The following AGBL4 variants were observed in gnomAD, a reference collection of about 807,000 sequenced individuals.
AGBL4 encodes the protein cytosolic carboxypeptidase 6.
In AGBL4, 58 loss-of-function variants were observed where a neutral mutation model predicts 66.4. The ratio of observed to expected loss-of-function variants is 0.87; its 90% CI spans 0.71 to 1.09. The LOEUF (loss-of-function observed/expected upper bound fraction) is 1.09. AGBL4 is among the 50% of genes least tolerant of loss of function. The pLI, the probability that AGBL4 is intolerant of heterozygous loss-of-function variation, is 0.00. For missense variants in AGBL4, 579 were observed against 631.0 expected (o/e 0.92, Z 0.88); for synonymous variants, 234 against 222.9 (o/e 1.05, Z -0.44).
chr1:48,728,125 C>A, intron 6 of AGBL4: 2 of 1,286,426 alleles, frequency 1.6e-6, no homozygotes, highest in Non-Finnish European at 2.1e-6. Context: ...AGAAAATGTA[C>A]CTCCCAACAT....
intron 4 of AGBL4, among the ~76,000 whole-genome samples, chr1:49,163,650 G>A (rs991252182): frequency 3.9e-5 from 6 of 152,052 alleles, no homozygotes; most frequent in Admixed American, 1.3e-4. Flanking sequence ...ATGTATGAAC[G>A]AATTAATAAA....
intron 6 of AGBL4, among the ~76,000 whole-genome samples, chr1:48,735,635 C>A (rs72904830): frequency 0.033 from 5,068 of 152,130 alleles, 148 homozygotes; most frequent in Middle Eastern, 0.075. Flanking sequence ...GTCTCTTTGC[C>A]TGCCCTCCAA....
intron 11 of AGBL4, among the ~76,000 whole-genome samples, chr1:48,551,440 T>C (rs146672069): frequency 6.6e-6 from 1 of 152,314 alleles, no homozygotes; most frequent in African/African-American, 2.4e-5. Context: ...TTATCATTAC[T>C]ACATATGAAA....
chr1:48,750,910 G>A (rs549973684), intron 6 of AGBL4, among the ~76,000 whole-genome samples: 1 of 152,158 alleles, frequency 6.6e-6, no homozygotes. Context: ...CCCACACTCA[G>A]AGTACCCCCT....
At chr1:49,924,629 C>T (rs1219307246) in intron 1 of AGBL4, among the ~76,000 whole-genome samples, 2 of 151,998 alleles carry the variant, frequency 1.3e-5, no homozygotes, top group African/African-American at 4.8e-5. Flanking sequence ...ATAGTGCTTG[C>T]TATATGCCAG....
chr1:49,995,225 T>C (rs1197482645), intron 1 of AGBL4: 2 of 456,046 alleles, frequency 4.4e-6, no homozygotes, highest in Non-Finnish European at 8.8e-6. Flanking sequence ...AGCTGCTTGC[T>C]TTCTCAGTGG....
chr1:48,880,212 T>C (rs1649647359), intron 5 of AGBL4, among the ~76,000 whole-genome samples: 1 of 152,146 alleles, frequency 6.6e-6, no homozygotes, highest in African/African-American at 2.4e-5. Context: ...TGAGAACATG[T>C]GATGTTTGGT....
At chr1:48,852,108 T>G (rs887280962) in intron 6 of AGBL4, among the ~76,000 whole-genome samples, 1 of 150,670 alleles carries the variant, frequency 6.6e-6, no homozygotes, top group Non-Finnish European at 1.5e-5. Flanking sequence ...AGTGCTATTT[T>G]AGGGATGAAA....
chr1:48,985,117 A>G (rs1318714965), intron 5 of AGBL4, among the ~76,000 whole-genome samples: 1 of 152,168 alleles, frequency 6.6e-6, no homozygotes, highest in Non-Finnish European at 1.5e-5. Flanking sequence ...GGTTTACAAG[A>G]CATTGGACAT....
intron 3 of AGBL4, among the ~76,000 whole-genome samples, chr1:49,268,461 C>T (rs1362340537): frequency 6.8e-6 from 1 of 147,546 alleles, no homozygotes; most frequent in Admixed American, 6.8e-5. Flanking sequence ...AATACAAGAT[C>T]TCACTCTATT....
chr1:49,001,307 C>T (rs1661376825), intron 5 of AGBL4, among the ~76,000 whole-genome samples: 3 of 152,158 alleles, frequency 2.0e-5, no homozygotes, highest in African/African-American at 4.8e-5. Flanking sequence ...CTTCAATTGA[C>T]AAGCAGTTAT....
chr1:49,045,929 A>G, intron 4 of AGBL4, 129 bp from the exon 5 acceptor site: 1 of 768,322 alleles, frequency 1.3e-6, no homozygotes, highest in Non-Finnish European at 2.1e-6. Context: ...GGCTGGGAGA[A>G]TGACAACACA....
intron 3 of AGBL4, among the ~76,000 whole-genome samples, chr1:49,420,972 C>G (rs546672171): frequency 5.3e-5 from 8 of 152,082 alleles, no homozygotes; most frequent in African/African-American, 9.7e-5. Context: ...AGGTACAGAG[C>G]AATGCTAGAA....
intron 5 of AGBL4, among the ~76,000 whole-genome samples, chr1:48,906,601 G>C (rs888639589): frequency 9.2e-5 from 14 of 152,186 alleles, no homozygotes; most frequent in Non-Finnish European, 1.6e-4. Context: ...AGCATATTCA[G>C]AGTTGGGGGC....
chr1:48,662,078 G>A (rs1167254770), intron 7 of AGBL4, among the ~76,000 whole-genome samples: 13 of 152,324 alleles, frequency 8.5e-5, no homozygotes, highest in South Asian at 6.2e-4. Flanking sequence ...GAAGGCAATC[G>A]TGCCTAACTA....
intron 5 of AGBL4, among the ~76,000 whole-genome samples, chr1:48,952,387 T>C (rs966649599): frequency 2.6e-5 from 4 of 152,080 alleles, no homozygotes; most frequent in Admixed American, 6.6e-5. Flanking sequence ...TATCAGATAA[T>C]AATAACAGAT....
intron 2 of AGBL4, among the ~76,000 whole-genome samples, chr1:49,809,570 C>G (rs1424724763): frequency 1.3e-5 from 2 of 152,030 alleles, no homozygotes; most frequent in Non-Finnish European, 2.9e-5. Flanking sequence ...ATTGTCAAAA[C>G]CAAATGATAT....
chr1:49,727,415 G>A (rs1649113140), intron 2 of AGBL4, among the ~76,000 whole-genome samples: 1 of 152,018 alleles, frequency 6.6e-6, no homozygotes, highest in Non-Finnish European at 1.5e-5. Context: ...TTTCATTTCT[G>A]TATTTGACAT....
intron 5 of AGBL4, 66 bp from the exon 6 acceptor site, chr1:48,867,296 C>A (rs935438817): frequency 6.6e-7 from 1 of 1,523,992 alleles, no homozygotes; most frequent in South Asian, 1.1e-5. Flanking sequence ...CTTAGCAGGT[C>A]AGGGCGGACA....
Sources: gnomAD v4.1 joint callset for allele counts (sites outside exome capture counted in the v4.1 genomes callset) on GRCh38, gnomAD v4.1.1 for gene constraint, MANE v1.5 for transcripts, NCBI Gene and HGNC (gene_info 2026-07-23, HGNC 2026-07-21) for gene names.